Variants in PTPRD observed in about 807,000 individuals in gnomAD.
PTPRD encodes the protein protein tyrosine phosphatase receptor type D, also known as receptor-type tyrosine-protein phosphatase delta.
In PTPRD, 34 loss-of-function variants were observed where a neutral mutation model predicts 214.5. The ratio of observed to expected loss-of-function variants is 0.16; its 90% CI spans 0.12 to 0.21. The LOEUF (loss-of-function observed/expected upper bound fraction) is 0.21. Among genes scored for constraint, PTPRD ranks in the 10% least tolerant of loss-of-function variants. The probability of loss-of-function intolerance (pLI) is 1.00; values close to 1 mark genes in which losing one functional copy is unlikely to be tolerated. For synonymous variants in PTPRD, 1,128 were observed against 845.7 expected (o/e 1.33, Z -5.79); for missense variants, 2,545 against 2,398.7 (o/e 1.06, Z -1.27).
intron 11 of PTPRD, among the ~76,000 whole-genome samples, chr9:8,893,992 T>G (rs1318037369): frequency 1.3e-5 from 2 of 151,998 alleles, no homozygotes; most frequent in Non-Finnish European, 2.9e-5. Flanking sequence ...ATATTGTATC[T>G]CTCACATTGT....
At chr9:10,213,791 C>A (rs1305727322) in intron 3 of PTPRD, among the ~76,000 whole-genome samples, 1 of 152,072 alleles carries the variant, frequency 6.6e-6, no homozygotes, top group South Asian at 2.1e-4. Flanking sequence ...AAGGGTGTAA[C>A]TTCTCTTTCC....
chr9:9,212,263 T>G (rs1358423873), intron 9 of PTPRD, among the ~76,000 whole-genome samples: 2 of 152,178 alleles, frequency 1.3e-5, no homozygotes, highest in African/African-American at 4.8e-5. Flanking sequence ...GACAACAGCC[T>G]TAAATTATTG....
intron 9 of PTPRD, among the ~76,000 whole-genome samples, chr9:9,300,603 G>T (rs1269414203): frequency 1.1e-4 from 16 of 151,660 alleles, no homozygotes; most frequent in Admixed American, 9.9e-4. Context: ...TAATGAATGG[G>T]ATTAGTGTCC....
chr9:9,566,909 C>G (rs924964344), intron 8 of PTPRD, among the ~76,000 whole-genome samples: 3 of 152,164 alleles, frequency 2.0e-5, no homozygotes, highest in Admixed American at 1.3e-4. Context: ...GGCACATACT[C>G]TAGCAAACAC....
At chr9:9,151,610 T>C (rs575865048) in intron 10 of PTPRD, among the ~76,000 whole-genome samples, 9 of 152,348 alleles carry the variant, frequency 5.9e-5, no homozygotes, top group Admixed American at 3.9e-4. Flanking sequence ...TCTCTATTTT[T>C]ATTTTCTTTG....
intron 8 of PTPRD, among the ~76,000 whole-genome samples, chr9:9,449,931 T>C: frequency 6.6e-6 from 1 of 151,952 alleles, no homozygotes; most frequent in Non-Finnish European, 1.5e-5. Context: ...ATCATTCTTA[T>C]GCCTTTGTGT....
At chr9:10,055,871 A>G (rs564672976) in intron 3 of PTPRD, among the ~76,000 whole-genome samples, 84 of 134,268 alleles carry the variant, frequency 6.3e-4, no homozygotes, top group Non-Finnish European at 1.1e-3. Context: ...ATGTGTGTGT[A>G]TATATATATA....
At position 10,324,652 on chromosome 9, in the gene PTPRD, G is replaced by A. The variant is rs78202844; in HGVS notation, c.-545+16311C>T. Among the ~76,000 whole-genome samples, 1,214 of 152,026 alleles carry A rather than the reference G, an allele frequency of 8.0e-3. 16 individuals are homozygous for A. The highest frequency in any genetic ancestry group is 0.028 in the African/African-American group (1,149 of 41,512). On this transcript the variant is annotated intron_variant, in intron 3 of 45. Coordinates refer to ENST00000381196, the MANE Select transcript of PTPRD (RefSeq NM_002839.4). ...ATCCCTATATTTCACCAAATGCAGC[G>A]CATTTTCTGATAGAATCTGCTGTGA...
At chr9:9,889,310 T>G (rs1474221379) in intron 5 of PTPRD, among the ~76,000 whole-genome samples, 1 of 152,168 alleles carries the variant, frequency 6.6e-6, no homozygotes. Flanking sequence ...AATGAATGTG[T>G]TAACTAGCTA....
chr9:8,798,607 T>G (rs2096497662), intron 11 of PTPRD, among the ~76,000 whole-genome samples: 1 of 152,216 alleles, frequency 6.6e-6, no homozygotes, highest in Admixed American at 6.5e-5. Context: ...AGCTGTGACT[T>G]TTTTACTCAT....
chr9:8,615,519 T>C (rs1050355458), intron 14 of PTPRD, among the ~76,000 whole-genome samples: 1 of 152,080 alleles, frequency 6.6e-6, no homozygotes, highest in Non-Finnish European at 1.5e-5. Flanking sequence ...CTCCTCTTTT[T>C]TAAAAGGTGA....
chr9:9,640,510 C>T (rs760652761), intron 7 of PTPRD, among the ~76,000 whole-genome samples: 12 of 152,140 alleles, frequency 7.9e-5, no homozygotes, highest in Admixed American at 3.9e-4. Flanking sequence ...TCATTCAAGA[C>T]AGGTTAGATC....
intron 4 of PTPRD, among the ~76,000 whole-genome samples, chr9:9,947,359 TATATTA>T (rs2092750112): frequency 1.9e-5 from 1 of 53,884 alleles, no homozygotes; most frequent in African/African-American, 1.2e-4. Context: ...ATATATTATA[TATATTA>T]TATATATATT....
At chr9:9,638,179 C>A (rs1008780494) in intron 7 of PTPRD, among the ~76,000 whole-genome samples, 1 of 152,192 alleles carries the variant, frequency 6.6e-6, no homozygotes. Flanking sequence ...CTTGGCCAGG[C>A]TGAAAATTTC....
chr9:9,520,325 T>C (rs2096938479), intron 8 of PTPRD, among the ~76,000 whole-genome samples: 1 of 148,120 alleles, frequency 6.8e-6, no homozygotes, highest in African/African-American at 2.5e-5. Flanking sequence ...ATAAGAAAAT[T>C]AATAATATCT....
chr9:10,257,984 G>T (rs1041151174), intron 3 of PTPRD, among the ~76,000 whole-genome samples: 2 of 152,266 alleles, frequency 1.3e-5, no homozygotes. Context: ...GGAAGGGAAG[G>T]AGAAGGTAGG....
intron 2 of PTPRD, among the ~76,000 whole-genome samples, chr9:10,414,000 C>T (rs1183192602): frequency 2.0e-5 from 3 of 151,852 alleles, no homozygotes; most frequent in Non-Finnish European, 4.4e-5. Context: ...ACTATAAAAA[C>T]CTTGGAAGAC....
intron 5 of PTPRD, among the ~76,000 whole-genome samples, chr9:9,932,721 A>G (rs1187954375): frequency 9.5e-6 from 1 of 105,110 alleles, no homozygotes; most frequent in Non-Finnish European, 1.9e-5. Flanking sequence ...CAGGAAATAC[A>G]GAGAACGCCA....
chr9:9,767,045 G>T (rs929951510), intron 5 of PTPRD, among the ~76,000 whole-genome samples, 194 bp from the exon 6 acceptor site: 1 of 150,918 alleles, frequency 6.6e-6, no homozygotes, highest in African/African-American at 2.4e-5. Flanking sequence ...AAAAAAGACA[G>T]AATGCAAATA....
Sources: allele counts gnomAD v4.1 joint callset (sites outside exome capture counted in the v4.1 genomes callset), GRCh38; gene constraint gnomAD v4.1.1; transcripts MANE v1.5; gene names NCBI Gene and HGNC (gene_info 2026-07-23, HGNC 2026-07-21).